Variants in PIGN observed in about 807,000 individuals in gnomAD.
PIGN encodes the protein phosphatidylinositol glycan anchor biosynthesis class N.
A neutral mutation model predicts 125.4 loss-of-function variants in PIGN; 117 were observed. That is an observed-to-expected ratio of 0.93 (90% CI 0.80 to 1.09). The LOEUF (loss-of-function observed/expected upper bound fraction) is 1.09, where lower values mean the gene tolerates loss of function less well. Among genes scored for constraint, PIGN ranks in the 50% least tolerant of loss-of-function variants. PIGN has a pLI of 0.00. For missense variants in PIGN, 1,075 were observed against 1,094.9 expected, an observed-to-expected ratio of 0.98 and a Z score of 0.26; for synonymous variants, 392 against 377.8, an observed-to-expected ratio of 1.04 and a Z score of -0.44.
In PIGN at chr18:62,062,966, A is replaced by G. The variant is rs201208823; in HGVS notation, c.2672+9707T>C. Among the ~76,000 whole-genome samples the G allele has an allele frequency of 2.9e-4, 41 of 140,174 alleles. No individual in the cohort carries two copies. In the East Asian group the frequency reaches 6.7e-3, roughly 23 times the overall value. 92.0% of individuals were successfully genotyped at this position (140,174 alleles called of 152,430 possible). On this transcript the variant is annotated intron_variant, in intron 30 of 30. Coordinates refer to ENST00000640252, the MANE Select transcript of PIGN (RefSeq NM_176787.5). ...TATTCCATGAGGGCTGTGTAAAGGA[A>G]TGTTAAGGATAAGGCTGGAGGTACC...
intron 28 of PIGN, among the ~76,000 whole-genome samples, chr18:62,077,434 A>G (rs961564027): frequency 6.6e-6 from 1 of 152,192 alleles, no homozygotes; most frequent in African/African-American, 2.4e-5. Context: ...CTTTTTTAAA[A>G]AGTTTTGATT....
intron 30 of PIGN, among the ~76,000 whole-genome samples, chr18:62,063,447 TTTATAGATTTTA>T (rs2032317628): frequency 2.5e-5 from 3 of 118,302 alleles, no homozygotes; most frequent in Non-Finnish European, 5.6e-5. Flanking sequence ...AATCTATGGT[TTTATAGATTTTA>T]TCCAAAATCT....
At chr18:62,109,528 A>G (rs951796875) in intron 17 of PIGN, among the ~76,000 whole-genome samples, 2 of 152,242 alleles carry the variant, frequency 1.3e-5, no homozygotes, top group African/African-American at 4.8e-5. Flanking sequence ...TAGTCTAGGC[A>G]TAGTATGATC....
intron 14 of PIGN, among the ~76,000 whole-genome samples, chr18:62,128,828 T>C (rs992401291): frequency 5.3e-5 from 8 of 152,182 alleles, no homozygotes; most frequent in Non-Finnish European, 7.4e-5. Context: ...TTTTCTTTAA[T>C]ATATTTAACA....
chr18:62,045,928 G>A lies in PIGN; in HGVS notation c.2724C>T (p.Leu908=), dbSNP rs756612484. The A allele has an allele frequency of 3.7e-5, 59 of 1,613,450 alleles. 1 individual carries two copies. The Middle Eastern group carries it at 4.9e-4, about 13-fold the overall frequency. ...VMSMTIFLVF[L]NGLAQLLTTK... is the part of the protein sequence containing the mutation. ...TTGTGAGCAGCTGGGCCAGGCCATTGAGGAACACCAAAAAGATGGTCATGG... is the reference window on the plus strand; with the variant it reads ...TTGTGAGCAGCTGGGCCAGGCCATTAAGGAACACCAAAAAGATGGTCATGG... The change falls in exon 31 of 31, where the codon CTC becomes CTT. Residue 908 remains leucine (L), a synonymous_variant. Transcript: ENST00000640252.
chr18:62,108,588 TTTAAG>T (rs1020585761), intron 17 of PIGN, among the ~76,000 whole-genome samples: 5 of 135,326 alleles, frequency 3.7e-5, no homozygotes, highest in African/African-American at 1.3e-4. Context: ...TTTTGATATT[TTTAAG>T]TTAATTTTTT....
intron 23 of PIGN, among the ~76,000 whole-genome samples, chr18:62,034,821 A>G (rs1599377541): frequency 1.3e-5 from 2 of 152,092 alleles, no homozygotes; most frequent in Admixed American, 1.3e-4. Flanking sequence ...TGGACTGTGG[A>G]CTTCTGAGTT....
At chr18:62,099,265 A>G (rs1388022047) in intron 22 of PIGN, among the ~76,000 whole-genome samples, 2 of 152,166 alleles carry the variant, frequency 1.3e-5, no homozygotes, top group East Asian at 3.8e-4. Context: ...CACGAAATCT[A>G]GAGTTGCAAT....
At chr18:62,065,736 C>CA (rs999921078) in intron 30 of PIGN, among the ~76,000 whole-genome samples, 3 of 147,516 alleles carry the variant, frequency 2.0e-5, no homozygotes, top group African/African-American at 2.5e-5. Context: ...ACTCCGTCTC[C>CA]AAAAAAAAAT....
chr18:62,044,657 T>G lies in PIGN; in HGVS notation c.*1199A>C, dbSNP rs1797418325. 1 of 152,190 alleles carries G rather than the reference T, an allele frequency of 6.6e-6. No individual in the cohort carries two copies. The highest frequency in any genetic ancestry group is 1.5e-5 in the Non-Finnish European group (1 of 68,048). 9.4% of individuals were successfully genotyped at this position (152,190 alleles called of 1,614,324 possible). Reference sequence around the variant, plus strand: ...TTGTATTTATTCACTCCCCACCAATTTGAAAAATCTTGTAAATTACAGAGG... The same window carrying G: ...TTGTATTTATTCACTCCCCACCAATGTGAAAAATCTTGTAAATTACAGAGG... On this transcript the variant is annotated 3_prime_UTR_variant, in exon 31 of 31. Transcript: ENST00000640252.
At chr18:62,100,891 C>T (rs983276745) in intron 22 of PIGN, among the ~76,000 whole-genome samples, 184 bp downstream of exon 22, 6 of 152,136 alleles carry the variant, frequency 3.9e-5, no homozygotes, top group African/African-American at 1.4e-4. Flanking sequence ...CTTGTTAACA[C>T]ATGCATGAAC....
intron 1 of PIGN, among the ~76,000 whole-genome samples, chr18:62,177,128 T>A (rs879558275): frequency 1.1e-4 from 16 of 152,192 alleles, no homozygotes; most frequent in Non-Finnish European, 2.2e-4. Flanking sequence ...AATGTTCACA[T>A]TGGCATAAAC....
At chr18:62,126,477 T>C (rs761651654) in intron 14 of PIGN, among the ~76,000 whole-genome samples, 1 of 152,288 alleles carries the variant, frequency 6.6e-6, no homozygotes, top group Non-Finnish European at 1.5e-5. Flanking sequence ...AACATAAAAA[T>C]CACTGTAATG....
chr18:62,038,308 G>GTTTT (rs34436733), downstream of PIGN, among the ~76,000 whole-genome samples: 5,845 of 119,772 alleles, frequency 0.049, 402 homozygotes, highest in African/African-American at 0.12. Context: ...CCCCCTCCGT[G>GTTTT]TTTTTTTTTT....
intron 6 of PIGN, among the ~76,000 whole-genome samples, chr18:62,154,872 C>T (rs950386115): frequency 5.3e-5 from 8 of 151,918 alleles, no homozygotes; most frequent in Admixed American, 1.3e-4. Flanking sequence ...TGCTTTTTGT[C>T]CTCAAAAATA....
chr18:62,132,605 G>A (rs1169758699), intron 14 of PIGN, among the ~76,000 whole-genome samples: 3 of 151,996 alleles, frequency 2.0e-5, no homozygotes, highest in African/African-American at 4.8e-5. Flanking sequence ...ACTTTGGGAG[G>A]CCAAGGCAGG....
In PIGN at chr18:62,163,581, T is replaced by C. The variant is rs1185460454; in HGVS notation, c.-160A>G. The C allele has an allele frequency of 6.6e-6, 1 of 152,204 alleles. No individual in the cohort carries two copies. The highest frequency in any genetic ancestry group is 1.5e-5 in the Non-Finnish European group (1 of 68,024). The allele number at this position is 152,204 out of a possible 1,614,324, so 9.4% of individuals were successfully genotyped here. On this transcript the variant is annotated 5_prime_UTR_variant, in exon 2 of 31. It removes an upstream start codon present in the reference 5' UTR. Transcript: ENST00000640252. ...AAAAAGATTTAGCTTTTAAGGAACATCTATGTTCAAAATTATAGGTCTCCA... is the reference window on the plus strand; with the variant it reads ...AAAAAGATTTAGCTTTTAAGGAACACCTATGTTCAAAATTATAGGTCTCCA...
At chr18:62,083,798 T>A (rs1472371267) in intron 27 of PIGN, among the ~76,000 whole-genome samples, 2 of 152,206 alleles carry the variant, frequency 1.3e-5, no homozygotes, top group Non-Finnish European at 2.9e-5. Context: ...TTAACACTTC[T>A]TAAACTTCCA....
intron 23 of PIGN, among the ~76,000 whole-genome samples, chr18:62,028,289 T>C (rs2030150215): frequency 6.6e-6 from 1 of 152,204 alleles, no homozygotes; most frequent in African/African-American, 2.4e-5. Flanking sequence ...GTAGAGCAAT[T>C]CAGCTGACTT....
Sources: allele counts gnomAD v4.1 joint callset (sites outside exome capture counted in the v4.1 genomes callset), GRCh38; gene constraint gnomAD v4.1.1; transcripts MANE v1.5; gene names NCBI Gene and HGNC (gene_info 2026-07-23, HGNC 2026-07-21).